Variants in RAE1 observed in about 807,000 individuals in gnomAD.
RAE1 encodes the protein mRNA export factor RAE1.
A neutral mutation model predicts 52.7 loss-of-function variants in RAE1; 13 were observed. The ratio of observed to expected loss-of-function variants is 0.25; its 90% confidence interval spans 0.16 to 0.39. The LOEUF (loss-of-function observed/expected upper bound fraction) is 0.39, where lower values mean the gene tolerates loss of function less well. Among genes scored for constraint, RAE1 ranks in the 10% least tolerant of loss-of-function variants. The probability of loss-of-function intolerance (pLI) is 1.00; values close to 1 mark genes in which losing one functional copy is unlikely to be tolerated. For synonymous variants in RAE1, 164 were observed against 153.1 expected (o/e 1.07, Z -0.52); for missense variants, 262 against 459.8 (o/e 0.57, Z 3.93).
In RAE1 at chr20:57,365,379, A is replaced by T; in HGVS notation, c.312A>T (p.Ala104=). The change falls in exon 5 of 12, where the codon GCA becomes GCT. Residue 104 remains alanine (A), a synonymous_variant. Transcript: ENST00000395841. Reference sequence around the variant, plus strand: ...AGGATGGGAGCAAAGTGTTTACGGCATCGTGTGATAAAACTGCCAAAATGT... The same window carrying T: ...AGGATGGGAGCAAAGTGTTTACGGCTTCGTGTGATAAAACTGCCAAAATGT... ...WSDDGSKVFT[A]SCDKTAKMWD... 1 of 1,610,428 alleles carries T rather than the reference A, an allele frequency of 6.2e-7. No individual in the cohort carries two copies. Among genetic ancestry groups the T allele is most frequent in the Non-Finnish European group, 8.5e-7 (1 of 1,177,592 alleles).
chr20:57,375,807 G>C (rs1042440936), intron 11 of RAE1, among the ~76,000 whole-genome samples: 2 of 152,106 alleles, frequency 1.3e-5, no homozygotes, highest in Admixed American at 1.3e-4. Context: ...TGTCTGTGCC[G>C]GTCACTCACC....
chr20:57,375,925 C>T (rs2067107923), intron 11 of RAE1, among the ~76,000 whole-genome samples: 1 of 152,240 alleles, frequency 6.6e-6, no homozygotes, highest in Non-Finnish European at 1.5e-5. Flanking sequence ...TGTCTCCTGC[C>T]CCTCTTGCCT....
chr20:57,354,467 A>T (rs556955794), intron 2 of RAE1, among the ~76,000 whole-genome samples: 11 of 152,340 alleles, frequency 7.2e-5, no homozygotes, highest in Admixed American at 3.3e-4. Flanking sequence ...GCCAGAGTGA[A>T]CTGGTCATTT....
intron 4 of RAE1, chr20:57,357,925 C>T (rs1337675145): frequency 6.6e-6 from 1 of 152,182 alleles, no homozygotes; most frequent in South Asian, 2.1e-4. Flanking sequence ...GAACTGATAG[C>T]TGGATAATAG....
intron 4 of RAE1, among the ~76,000 whole-genome samples, chr20:57,361,782 G>A (rs1189145806): frequency 1.3e-5 from 2 of 152,178 alleles, no homozygotes; most frequent in Admixed American, 1.3e-4. Context: ...CCATCAAGAT[G>A]TCTTATTTAA....
intron 4 of RAE1, among the ~76,000 whole-genome samples, chr20:57,362,694 G>A: frequency 6.6e-6 from 1 of 152,186 alleles, no homozygotes; most frequent in Non-Finnish European, 1.5e-5. Flanking sequence ...AGGATGAACT[G>A]GTGCTGGGTG....
At position 57,356,492 on chromosome 20, in the gene RAE1, C is replaced by G. The variant is rs868272874; in HGVS notation, c.242C>G (p.Ala81Gly). The G allele has an allele frequency of 6.2e-7, 1 of 1,613,424 alleles. No individual in the cohort carries two copies. Among genetic ancestry groups the G allele is most frequent in the Admixed American group, 1.7e-5 (1 of 59,984 alleles). ...GACAGTGGACAGACCATTCCAAAAGCCCAGCAGATGCACACTGGGCCTGTG... is the reference window on the plus strand; with the variant it reads ...GACAGTGGACAGACCATTCCAAAAGGCCAGCAGATGCACACTGGGCCTGTG... ...VQDSGQTIPK[A>G]QQMHTGPVLD... The change falls in exon 4 of 12, where the codon GCC becomes GGC. Residue 81 changes from alanine (A) to glycine (G), a missense_variant. By Grantham distance (60) the Ala-to-Gly change is moderately conservative. Transcript: ENST00000395841.
chr20:57,351,425 A>G lies in RAE1; in HGVS notation c.-8+3A>G. The G allele has an allele frequency of 1.0e-6, 1 of 985,470 alleles. No individual in the cohort carries two copies. The highest frequency in any genetic ancestry group is 1.2e-6 in the Non-Finnish European group (1 of 830,010). The allele number at this position is 985,470 out of a possible 1,614,324, so 61.0% of individuals were successfully genotyped here. On this transcript the variant is annotated splice_donor_region_variant and intron_variant, in intron 1 of 11. Transcript: ENST00000395841. ...TTCCGCCGGGGCGAGACCCCCAGGT[A>G]GGCCCCGTGCCGCGCGCGTCCCGTC...
At chr20:57,374,866 G>A in intron 11 of RAE1, 65 bp downstream of exon 11, 1 of 1,575,132 alleles carries the variant, frequency 6.3e-7, no homozygotes, top group Non-Finnish European at 8.7e-7. Flanking sequence ...GGTTCAGAAG[G>A]CCTAGGCCTG....
Position 57,366,794 on chromosome 20 carries a change from G to T in RAE1, c.376-13G>T. ...ATTTACCTTGATCTGTTTTGTTTTT[G>T]TCTTGTTGAAAGCATGATGCTCCTG... is the stretch of plus-strand genomic sequence containing the variant. On this transcript the variant is annotated splice_polypyrimidine_tract_variant and intron_variant, in intron 5 of 11. Coordinates refer to ENST00000395841, the MANE Select transcript of RAE1 (RefSeq NM_003610.4). 3 of 1,600,700 alleles carry T rather than the reference G, an allele frequency of 1.9e-6. No individual in the cohort carries two copies. The highest frequency in any genetic ancestry group is 2.6e-6 in the Non-Finnish European group (3 of 1,167,952).
chr20:57,370,884 G>GA (rs1472435062), intron 8 of RAE1, among the ~76,000 whole-genome samples: 1 of 152,188 alleles, frequency 6.6e-6, no homozygotes, highest in Non-Finnish European at 1.5e-5. Context: ...CATTTGATCT[G>GA]AACCTGCCCC....
intron 4 of RAE1, among the ~76,000 whole-genome samples, chr20:57,361,056 G>A (rs2066884550): frequency 6.6e-6 from 1 of 152,022 alleles, no homozygotes; most frequent in African/African-American, 2.4e-5. Flanking sequence ...TACATTAACT[G>A]TGTAGAATAC....
chr20:57,367,595 C>T (rs1036867351), intron 7 of RAE1, among the ~76,000 whole-genome samples: 2 of 152,004 alleles, frequency 1.3e-5, no homozygotes, highest in African/African-American at 4.8e-5. Flanking sequence ...CAAAAATTAG[C>T]TGGGCATGGT....
chr20:57,353,939 G>T (rs1461049059), intron 1 of RAE1, 93 bp from the exon 2 acceptor site: 12 of 1,130,298 alleles, frequency 1.1e-5, no homozygotes, highest in African/African-American at 1.6e-5. Flanking sequence ...AAGCCACTTT[G>T]AGTATTTCTC....
chr20:57,358,808 G>T, intron 4 of RAE1: 1 of 441,172 alleles, frequency 2.3e-6, no homozygotes. Context: ...ACTTAGACTT[G>T]TGTGGTCTTA....
intron 1 of RAE1, chr20:57,351,862 C>T (rs1317900390): frequency 1.4e-5 from 14 of 985,402 alleles, no homozygotes; most frequent in East Asian, 2.3e-4. Context: ...TGTCTTAGCC[C>T]GCCAAGTATT....
intron 10 of RAE1, 103 bp from the exon 11 acceptor site, chr20:57,374,504 A>T (rs945111905): frequency 9.5e-7 from 1 of 1,048,540 alleles, no homozygotes; most frequent in Admixed American, 2.2e-5. Context: ...AAGGAAATGT[A>T]CCTGTGCGCT....
chr20:57,364,673 T>A (rs1600717457), intron 4 of RAE1, among the ~76,000 whole-genome samples: 1 of 152,340 alleles, frequency 6.6e-6, no homozygotes, highest in East Asian at 1.9e-4. Context: ...CCACACTCAT[T>A]GACATAATAT....
At chr20:57,354,680 C>A in intron 2 of RAE1, 32 bp from the exon 3 acceptor site, 1 of 1,460,496 alleles carries the variant, frequency 6.8e-7, no homozygotes, top group South Asian at 1.3e-5. Context: ...TGTGAGCGTG[C>A]ATACATTTTA....
Sources: gnomAD v4.1 joint callset for allele counts (sites outside exome capture counted in the v4.1 genomes callset) on GRCh38, gnomAD v4.1.1 for gene constraint, MANE v1.5 for transcripts, NCBI Gene and HGNC (gene_info 2026-07-23, HGNC 2026-07-21) for gene names.